TRIO: variants seen among roughly 807,000 people sequenced by gnomAD.
TRIO encodes the protein triple functional domain protein.
Under a neutral mutation model 351.9 loss-of-function variants are expected in TRIO, and 58 were observed. The ratio of observed to expected loss-of-function variants is 0.16; its 90% CI spans 0.13 to 0.21. The LOEUF is 0.21. TRIO is among the 10% of genes least tolerant of loss of function. The pLI is 1.00. For missense variants in TRIO, 3,201 were observed against 4,027.8 expected, an observed-to-expected ratio of 0.79 and a Z score of 5.56; for synonymous variants, 1,758 against 1,595.7, an observed-to-expected ratio of 1.10 and a Z score of -2.42.
At chr5:14,394,942 C>T (rs144623781) in intron 28 of TRIO, among the ~76,000 whole-genome samples, 2 of 152,260 alleles carry the variant, frequency 1.3e-5, no homozygotes, top group Non-Finnish European at 2.9e-5. Context: ...ATTTTCTCAG[C>T]TGGTGAATGT....
chr5:14,368,688 C>T lies in TRIO; in HGVS notation c.2875-20C>T. 6.2e-7 allele frequency: 1 copy of T among 1,604,160 alleles called. No homozygotes were observed. Among genetic ancestry groups the T allele is most frequent in the Non-Finnish European group, 8.5e-7 (1 of 1,172,290 alleles). ...GGGGACACTGACAAATAAGCCTTCC[C>T]TTTTGTTCTCTGTCTCTAGAAAACA... On this transcript the variant is annotated intron_variant, in intron 16 of 56. Transcript: ENST00000344204.
At chr5:14,481,161 TAAA>T in intron 43 of TRIO, 70 bp from the exon 44 acceptor site, 4 of 1,312,326 alleles carry the variant, frequency 3.0e-6, no homozygotes, top group African/African-American at 1.5e-5. Context: ...CCCTGTCTCT[TAAA>T]AAAAAAAATA....
At chr5:14,319,080 A>G (rs2152307900) in intron 9 of TRIO, among the ~76,000 whole-genome samples, 1 of 152,334 alleles carries the variant, frequency 6.6e-6, no homozygotes, top group South Asian at 2.1e-4. Context: ...AACAGCAAAC[A>G]TGTAGAAAGG....
At chr5:14,152,797 G>A (rs1787913654) in intron 1 of TRIO, among the ~76,000 whole-genome samples, 1 of 152,212 alleles carries the variant, frequency 6.6e-6, no homozygotes, top group Admixed American at 6.5e-5. Flanking sequence ...TTTTACTCAC[G>A]TGCCAATTCA....
chr5:14,163,939 G>T (rs541606791), intron 1 of TRIO, among the ~76,000 whole-genome samples: 1 of 151,918 alleles, frequency 6.6e-6, no homozygotes, highest in African/African-American at 2.4e-5. Context: ...TAAGTTTTCC[G>T]ATCTCCAGAT....
In TRIO at chr5:14,497,010, CTG is replaced by C; in HGVS notation, c.8015_8016del (p.Val2672GlufsTer10). The C allele has an allele frequency of 6.2e-7, 1 of 1,614,190 alleles. No homozygotes were observed. Among genetic ancestry groups the C allele is most frequent in the Non-Finnish European group, 8.5e-7 (1 of 1,180,014 alleles). On this transcript the variant is annotated frameshift_variant, in exon 50 of 57. Transcript: ENST00000344204. LOFTEE classifies it high-confidence loss of function. This position sits in a 1 kb window ranked among gnomAD's most constrained non-coding sequence, Gnocchi z 4.4. ...CGGGAAGGACTCAGCAACAAGGTATCTGTGAAGGTGTGTTCGGGGGTCTTCAG... is the reference window on the plus strand; with the variant it reads ...CGGGAAGGACTCAGCAACAAGGTATCTGAAGGTGTGTTCGGGGGTCTTCAG...
intron 54 of TRIO, among the ~76,000 whole-genome samples, chr5:14,503,093 T>C (rs917492736): frequency 2.0e-5 from 3 of 152,188 alleles, no homozygotes; most frequent in Non-Finnish European, 4.4e-5. Context: ...ATCAAAGGGG[T>C]TCTTTCTCTT....
chr5:14,409,677 G>A (rs548562328), intron 33 of TRIO, among the ~76,000 whole-genome samples: 4 of 151,974 alleles, frequency 2.6e-5, no homozygotes, highest in East Asian at 3.9e-4. Context: ...TACTAAAAAT[G>A]TAAAAAATTA....
intron 9 of TRIO, among the ~76,000 whole-genome samples, chr5:14,324,504 C>T (rs1340681938): frequency 6.6e-6 from 1 of 152,108 alleles, no homozygotes; most frequent in Non-Finnish European, 1.5e-5. Flanking sequence ...TTAGTATGTT[C>T]TTGGTTGCTT....
chr5:14,345,856 T>C (rs752683114), intron 11 of TRIO, among the ~76,000 whole-genome samples: 17 of 152,244 alleles, frequency 1.1e-4, no homozygotes, highest in Non-Finnish European at 2.2e-4. Flanking sequence ...ACTTGTTAAA[T>C]TTCTGTTTTA....
intron 11 of TRIO, among the ~76,000 whole-genome samples, chr5:14,342,860 G>A (rs1403988180): frequency 2.0e-5 from 3 of 152,152 alleles, no homozygotes; most frequent in Non-Finnish European, 2.9e-5. Context: ...CTATCGCAAA[G>A]ATGAAAATTC....
intron 34 of TRIO, among the ~76,000 whole-genome samples, chr5:14,423,752 T>C (rs1049092780): frequency 3.9e-5 from 6 of 152,010 alleles, no homozygotes; most frequent in Non-Finnish European, 7.4e-5. Flanking sequence ...TGACTGATAG[T>C]GTTTTGAGGG....
intron 11 of TRIO, among the ~76,000 whole-genome samples, chr5:14,355,362 GTAA>G (rs1218346207): frequency 6.6e-6 from 1 of 152,196 alleles, no homozygotes; most frequent in Non-Finnish European, 1.5e-5. Flanking sequence ...TATAACCAGG[GTAA>G]TAATTTTGTC....
chr5:14,485,668 C>T (rs1260091502), intron 47 of TRIO, among the ~76,000 whole-genome samples: 6 of 152,102 alleles, frequency 3.9e-5, no homozygotes, highest in Non-Finnish European at 8.8e-5. Flanking sequence ...CTTGCACACC[C>T]ACACCTCCTT....
At chr5:14,322,168 A>G (rs1371263312) in intron 9 of TRIO, among the ~76,000 whole-genome samples, 1 of 152,240 alleles carries the variant, frequency 6.6e-6, no homozygotes, top group Admixed American at 6.5e-5. Flanking sequence ...AGCAGATGTC[A>G]GTATTTGTTG....
intron 33 of TRIO, among the ~76,000 whole-genome samples, chr5:14,409,830 A>G (rs1279538108): frequency 1.6e-5 from 2 of 125,166 alleles, no homozygotes; most frequent in Admixed American, 7.7e-5. Flanking sequence ...GCGAGACTCC[A>G]TCTCAAAAAA....
chr5:14,387,575 G>C lies in TRIO; in HGVS notation c.3708G>C (p.Glu1236Asp). 6.2e-7 allele frequency: 1 copy of C among 1,614,234 alleles called. No homozygotes were observed. Among genetic ancestry groups the C allele is most frequent in the East Asian group, 2.2e-5 (1 of 44,886 alleles). The change falls in exon 22 of 57, where the codon GAG becomes GAC. Residue 1236 changes from glutamate (E) to aspartate (D), a missense_variant. Around this residue, in one of 19 missense-constraint regions of TRIO, gnomAD observed 201 missense variants for 266.5 expected, o/e 0.75. Transcript: ENST00000344204. ...ACAGAGATTTCTCTCTGCGGATGGA[G>C]AAGTACAGGACCTCTTTGGAAAAAG... ...KRYRDFSLRM[E>D]KYRTSLEKAL... is the part of the protein sequence containing the mutation.
intron 10 of TRIO, among the ~76,000 whole-genome samples, chr5:14,332,193 T>A (rs1464888515): frequency 6.6e-6 from 1 of 152,188 alleles, no homozygotes; most frequent in Non-Finnish European, 1.5e-5. Context: ...TGGATTCAAA[T>A]TATCTTTCAG....
intron 36 of TRIO, among the ~76,000 whole-genome samples, chr5:14,465,228 C>G (rs77909465): frequency 4.6e-5 from 7 of 152,044 alleles, no homozygotes; most frequent in African/African-American, 9.7e-5. Flanking sequence ...CCAGCACTTG[C>G]GAAAGTTACG....
Sources: gnomAD v4.1 joint callset for allele counts (sites outside exome capture counted in the v4.1 genomes callset) on GRCh38, gnomAD v4.1.1 for gene constraint, gnomAD v4.1.1 regional missense constraint, Gnocchi (gnomAD v3.1) non-coding constraint, MANE v1.5 for transcripts, NCBI Gene and HGNC (gene_info 2026-07-23, HGNC 2026-07-21) for gene names.